Variants in FOXN3 observed in about 807,000 individuals in gnomAD.
FOXN3 encodes the protein forkhead box protein N3.
In FOXN3, 7 loss-of-function variants were observed where a neutral mutation model predicts 38.4. The observed-to-expected ratio is 0.18, with a 90% CI of 0.10 to 0.34. FOXN3 has a LOEUF of 0.34. Among genes scored for constraint, FOXN3 ranks in the 10% least tolerant of loss-of-function variants. The pLI is 1.00. For missense variants in FOXN3, 456 were observed against 613.4 expected (o/e 0.74, Z 2.71); for synonymous variants, 230 against 242.2 (o/e 0.95, Z 0.47).
intron 1 of FOXN3, among the ~76,000 whole-genome samples, chr14:89,505,561 T>TTGCGTTCACTC (rs1489077650): frequency 6.6e-6 from 1 of 151,788 alleles, no homozygotes; most frequent in East Asian, 1.9e-4. Flanking sequence ...GCAGACGGAG[T>TTGCGTTCACTC]TGCGTTCACT....
At chr14:89,433,695 T>G (rs1892213180) in intron 1 of FOXN3, among the ~76,000 whole-genome samples, 1 of 150,888 alleles carries the variant, frequency 6.6e-6, no homozygotes, top group Non-Finnish European at 1.5e-5. Flanking sequence ...TCCCAGCTAT[T>G]CAGGAGGCTG....
chr14:89,394,566 A>C (rs896275328), intron 2 of FOXN3, among the ~76,000 whole-genome samples: 3 of 152,158 alleles, frequency 2.0e-5, no homozygotes, highest in African/African-American at 4.8e-5. Flanking sequence ...GAGTTTAGTA[A>C]AGCTTTTTGA....
At chr14:89,224,244 A>G (rs1444347779) in intron 4 of FOXN3, among the ~76,000 whole-genome samples, 1 of 152,204 alleles carries the variant, frequency 6.6e-6, no homozygotes, top group Non-Finnish European at 1.5e-5. Context: ...AATAAGTTCG[A>G]TTTCCTTTAC....
At chr14:89,444,540 G>T (rs369980447) in intron 1 of FOXN3, among the ~76,000 whole-genome samples, 2 of 152,074 alleles carry the variant, frequency 1.3e-5, no homozygotes, top group East Asian at 3.9e-4. Context: ...TAGGAGAAAC[G>T]GTTATTATAG....
intron 2 of FOXN3, among the ~76,000 whole-genome samples, chr14:89,388,609 G>A (rs1487485698): frequency 6.6e-6 from 1 of 152,090 alleles, no homozygotes; most frequent in East Asian, 1.9e-4. Flanking sequence ...GACACGTGAT[G>A]AACAAGTCAC....
At chr14:89,352,014 A>G (rs1379796156) in intron 2 of FOXN3, among the ~76,000 whole-genome samples, 3 of 152,218 alleles carry the variant, frequency 2.0e-5, no homozygotes, top group African/African-American at 7.2e-5. Context: ...ATTATCAACA[A>G]CATCAGCAAG....
chr14:89,235,629 G>A (rs78915149), intron 4 of FOXN3, among the ~76,000 whole-genome samples: 3,426 of 152,282 alleles, frequency 0.022, 129 homozygotes, highest in African/African-American at 0.079. Context: ...TAAGGTTGCA[G>A]CTCGAATTAA....
chr14:89,530,900 C>T (rs536621789), intron 1 of FOXN3, among the ~76,000 whole-genome samples: 48 of 148,672 alleles, frequency 3.2e-4, no homozygotes, highest in Admixed American at 1.0e-3. Flanking sequence ...TGAGCCACCA[C>T]GCCCGGCCTC....
chr14:89,219,857 C>T (rs991911922), intron 4 of FOXN3, among the ~76,000 whole-genome samples: 26 of 152,148 alleles, frequency 1.7e-4, no homozygotes, highest in Non-Finnish European at 3.1e-4. Flanking sequence ...CAGCAGCGCC[C>T]CTGAGATTGC....
intron 1 of FOXN3, among the ~76,000 whole-genome samples, chr14:89,511,078 T>A (rs1001033771): frequency 2.6e-5 from 4 of 152,112 alleles, no homozygotes; most frequent in Non-Finnish European, 4.4e-5. Context: ...CAACTCATAT[T>A]CCAATCATCC....
intron 2 of FOXN3, among the ~76,000 whole-genome samples, chr14:89,406,717 G>A (rs1032599141): frequency 6.6e-6 from 1 of 151,594 alleles, no homozygotes; most frequent in Non-Finnish European, 1.5e-5. Flanking sequence ...TTTGTACAGT[G>A]TTTCCTTTAT....
intron 1 of FOXN3, among the ~76,000 whole-genome samples, chr14:89,615,690 CTTG>C (rs2139961500): frequency 6.6e-6 from 1 of 152,316 alleles, no homozygotes; most frequent in South Asian, 2.1e-4. Context: ...ACAGGAAATC[CTTG>C]CTAAAAGAGA....
intron 4 of FOXN3, among the ~76,000 whole-genome samples, chr14:89,199,299 T>G (rs1888176924): frequency 1.3e-5 from 2 of 152,174 alleles, no homozygotes; most frequent in Non-Finnish European, 2.9e-5. Context: ...GTGAGCCCGG[T>G]GCACAAGCTT....
At chr14:89,341,653 A>C (rs1177576014) in intron 3 of FOXN3, among the ~76,000 whole-genome samples, 1 of 152,200 alleles carries the variant, frequency 6.6e-6, no homozygotes, top group African/African-American at 2.4e-5. Flanking sequence ...ATGTGCTAAC[A>C]GGTTTTTATT....
intron 2 of FOXN3, among the ~76,000 whole-genome samples, chr14:89,382,372 C>A (rs1890672484): frequency 6.6e-6 from 1 of 152,138 alleles, no homozygotes; most frequent in Non-Finnish European, 1.5e-5. Flanking sequence ...AAATGTTCCC[C>A]AGTAGAGACA....
intron 2 of FOXN3, among the ~76,000 whole-genome samples, chr14:89,382,671 G>A (rs1013645205): frequency 1.3e-5 from 2 of 152,146 alleles, no homozygotes; most frequent in South Asian, 2.1e-4. Context: ...ACCTGTGATC[G>A]GTTACCTAAT....
intron 4 of FOXN3, among the ~76,000 whole-genome samples, chr14:89,209,545 G>A (rs575732238): frequency 2.0e-5 from 3 of 152,232 alleles, no homozygotes; most frequent in Admixed American, 6.5e-5. Context: ...TGAAGGCATG[G>A]GCTTTGAATA....
chr14:89,581,488 A>AT (rs1267644808), intron 1 of FOXN3, among the ~76,000 whole-genome samples: 1 of 150,644 alleles, frequency 6.6e-6, no homozygotes. Flanking sequence ...GTCTCAAAGA[A>AT]AAAAAAAAAG....
At chr14:89,190,311 A>G (rs1004402772) in intron 4 of FOXN3, 3 of 1,160,316 alleles carry the variant, frequency 2.6e-6, no homozygotes, top group Non-Finnish European at 2.5e-6. Context: ...AGTTCTTCCT[A>G]TGACCTGGTG....
Sources: gnomAD v4.1 joint callset for allele counts (sites outside exome capture counted in the v4.1 genomes callset) on GRCh38, gnomAD v4.1.1 for gene constraint, MANE v1.5 for transcripts, NCBI Gene and HGNC (gene_info 2026-07-23, HGNC 2026-07-21) for gene names.